Variants in PDE11A observed in about 807,000 individuals in gnomAD.
The protein encoded by PDE11A is dual 3',5'-cyclic-AMP and -GMP phosphodiesterase 11A.
In PDE11A, 100 loss-of-function variants were observed where a neutral mutation model predicts 100.5. That is an observed-to-expected ratio of 1.00 (90% confidence interval 0.85 to 1.18). The LOEUF (loss-of-function observed/expected upper bound fraction) is 1.18, where lower values mean the gene tolerates loss of function less well. PDE11A is among the 50% of genes most tolerant of loss of function. The pLI, the probability that PDE11A is intolerant of heterozygous loss-of-function variation, is 0.00. For synonymous variants in PDE11A, 381 were observed against 420.8 expected (o/e 0.91, Z 1.16); for missense variants, 1,141 against 1,152.6 (o/e 0.99, Z 0.15).
Position 177,624,495 on chromosome 2 carries a change from A to G in PDE11A, c.*4912T>C, listed in dbSNP as rs533026612. 6.6e-6 allele frequency: 1 copy of G among 152,316 alleles called. No individual in the cohort carries two copies. The highest frequency in any genetic ancestry group is 2.4e-5 in the African/African-American group (1 of 41,578). 9.4% of individuals were successfully genotyped at this position (152,316 alleles called of 1,614,324 possible). On this transcript the variant is annotated 3_prime_UTR_variant, in exon 20 of 20. Transcript: ENST00000286063. ...TACCTAGTGTTAAGTGGAAAAAGTT[A>G]TGATAAATTTTGATACACAGAAAAA...
intron 19 of PDE11A, among the ~76,000 whole-genome samples, chr2:177,641,083 C>T (rs1316654191): frequency 6.6e-6 from 1 of 152,214 alleles, no homozygotes; most frequent in East Asian, 1.9e-4. Context: ...ATCGGTACTC[C>T]ATATGGAAGC....
intron 2 of PDE11A, among the ~76,000 whole-genome samples, chr2:177,936,348 C>A (rs3108453): frequency 6.6e-6 from 1 of 151,928 alleles, no homozygotes; most frequent in Non-Finnish European, 1.5e-5. Flanking sequence ...TCACATTCTG[C>A]GAGTGACACC....
intron 4 of PDE11A, among the ~76,000 whole-genome samples, chr2:177,879,920 A>G (rs1381393337): frequency 6.6e-6 from 1 of 152,258 alleles, no homozygotes; most frequent in East Asian, 1.9e-4. Flanking sequence ...ACAAGCTGAA[A>G]AGAAAAATAG....
At position 177,680,806 on chromosome 2, in the gene PDE11A, A is replaced by T. The variant is rs768065926; in HGVS notation, c.2423+20T>A. 35 of 1,385,076 alleles carry T rather than the reference A, an allele frequency of 2.5e-5. No homozygotes were observed. Among genetic ancestry groups the T allele is most frequent in the Non-Finnish European group, 3.1e-5 (30 of 972,864 alleles). The allele number at this position is 1,385,076 out of a possible 1,614,324, so 85.8% of individuals were successfully genotyped here. On this transcript the variant is annotated intron_variant, in intron 16 of 19. Transcript: ENST00000286063. ...ATGTCCAAATAATGAAGAAACACATAAACAAGAGCTTTTTCTTACCGAAAT... is the reference window on the plus strand; with the variant it reads ...ATGTCCAAATAATGAAGAAACACATTAACAAGAGCTTTTTCTTACCGAAAT...
intron 1 of PDE11A, among the ~76,000 whole-genome samples, chr2:178,069,426 A>G (rs2087095086): frequency 6.6e-6 from 1 of 152,170 alleles, no homozygotes; most frequent in African/African-American, 2.4e-5. Flanking sequence ...AAAGAAGCCA[A>G]TGGAAAAAGA....
intron 5 of PDE11A, among the ~76,000 whole-genome samples, chr2:177,856,984 G>T (rs1240257604): frequency 2.0e-5 from 3 of 151,944 alleles, no homozygotes; most frequent in African/African-American, 7.2e-5. Flanking sequence ...AACTGAAAGA[G>T]AACCACATCT....
At chr2:177,918,742 A>G (rs1005327127) in intron 2 of PDE11A, among the ~76,000 whole-genome samples, 1 of 152,220 alleles carries the variant, frequency 6.6e-6, no homozygotes, top group Non-Finnish European at 1.5e-5. Flanking sequence ...GTATATTTTA[A>G]GCAAAATATA....
chr2:177,796,885 A>G (rs1434369011), intron 9 of PDE11A, among the ~76,000 whole-genome samples: 1 of 152,164 alleles, frequency 6.6e-6, no homozygotes, highest in African/African-American at 2.4e-5. Context: ...GAAAAAAGTG[A>G]GCTGCTGGAG....
At chr2:177,959,184 C>T (rs58924077) in intron 2 of PDE11A, among the ~76,000 whole-genome samples, 75 of 152,256 alleles carry the variant, frequency 4.9e-4, no homozygotes, top group African/African-American at 1.8e-3. Flanking sequence ...CATGTAACAA[C>T]CCTAAGACTA....
intron 10 of PDE11A, among the ~76,000 whole-genome samples, chr2:177,748,898 A>C (rs2081989403): frequency 6.6e-6 from 1 of 152,206 alleles, no homozygotes; most frequent in Non-Finnish European, 1.5e-5. Context: ...ATATGATATA[A>C]AACACCTGCA....
chr2:177,991,952 C>G (rs1000625483), intron 2 of PDE11A, among the ~76,000 whole-genome samples: 2 of 151,254 alleles, frequency 1.3e-5, no homozygotes, highest in African/African-American at 4.9e-5. Context: ...AAATTTCTAA[C>G]TGTTCTCTAA....
At chr2:177,956,445 T>C (rs1344419317) in intron 2 of PDE11A, among the ~76,000 whole-genome samples, 6 of 152,056 alleles carry the variant, frequency 3.9e-5, no homozygotes, top group Non-Finnish European at 2.9e-5. Context: ...AATAGGAACA[T>C]TTTTACACTG....
At chr2:177,650,257 T>C (rs1418636331) in intron 19 of PDE11A, among the ~76,000 whole-genome samples, 1 of 152,226 alleles carries the variant, frequency 6.6e-6, no homozygotes, top group Non-Finnish European at 1.5e-5. Context: ...CCTTATTTAG[T>C]TCCTCAAATT....
chr2:178,085,327 A>G (rs975960185), intron 2 of PDE11A, among the ~76,000 whole-genome samples: 7 of 152,180 alleles, frequency 4.6e-5, no homozygotes, highest in Non-Finnish European at 7.3e-5. Context: ...ACTGTCACCT[A>G]CAATACCTTA....
intron 9 of PDE11A, among the ~76,000 whole-genome samples, chr2:177,806,263 C>T (rs2082869588): frequency 6.6e-6 from 1 of 152,134 alleles, no homozygotes; most frequent in Non-Finnish European, 1.5e-5. Flanking sequence ...GAAATGAACT[C>T]TAGCTGCAAT....
chr2:178,053,058 C>A lies in PDE11A; in HGVS notation c.912+18468G>T, dbSNP rs553333434. The stretch of plus-strand genomic sequence containing the variant: ...ACACCAAAGCCTGGCAGAGACACAA[C>A]AAAAAAAGAGAATTTTAGACCAATA... On this transcript the variant is annotated intron_variant, in intron 1 of 19. Coordinates refer to ENST00000286063, the MANE Select transcript of PDE11A (RefSeq NM_016953.4). Among the ~76,000 whole-genome samples, 5 of 152,048 alleles carry A rather than the reference C, an allele frequency of 3.3e-5. No individual in the cohort carries two copies. The South Asian group carries it at 1.0e-3, about 32-fold the overall frequency.
intron 4 of PDE11A, among the ~76,000 whole-genome samples, chr2:177,887,889 C>A (rs940984183): frequency 3.3e-5 from 5 of 152,046 alleles, no homozygotes; most frequent in African/African-American, 9.7e-5. Context: ...AAGGGAAAAG[C>A]CAGCTGGTGA....
At chr2:178,041,788 GT>G (rs1392839212) in intron 1 of PDE11A, among the ~76,000 whole-genome samples, 13 of 152,150 alleles carry the variant, frequency 8.5e-5, no homozygotes. Flanking sequence ...TGTTTGTCCA[GT>G]TTCACATCTG....
chr2:177,850,308 G>T (rs939135834), intron 5 of PDE11A, among the ~76,000 whole-genome samples: 2 of 152,150 alleles, frequency 1.3e-5, no homozygotes, highest in African/African-American at 4.8e-5. Flanking sequence ...TTAATAAATG[G>T]TGCTGGGAAA....
Sources: gnomAD v4.1 joint callset for allele counts (sites outside exome capture counted in the v4.1 genomes callset) on GRCh38, gnomAD v4.1.1 for gene constraint, MANE v1.5 for transcripts, NCBI Gene and HGNC (gene_info 2026-07-23, HGNC 2026-07-21) for gene names.